Variants in MTHFD1L observed in about 807,000 individuals in gnomAD.
MTHFD1L encodes the protein methylenetetrahydrofolate dehydrogenase (NADP+ dependent) 1 like, also known as monofunctional C1-tetrahydrofolate synthase, mitochondrial.
MTHFD1L carries 81 observed loss-of-function variants against 119.5 expected under a neutral mutation model. The ratio of observed to expected loss-of-function variants is 0.68; its 90% CI spans 0.57 to 0.82. MTHFD1L has a LOEUF of 0.82. MTHFD1L is among the 40% of genes least tolerant of loss of function. MTHFD1L has a pLI of 0.00. For missense variants in MTHFD1L, 1,125 were observed against 1,253.4 expected (o/e 0.90, Z 1.55); for synonymous variants, 430 against 475.2 (o/e 0.90, Z 1.24).
intron 7 of MTHFD1L, among the ~76,000 whole-genome samples, chr6:150,897,694 G>C (rs2128814163): frequency 6.6e-6 from 1 of 152,308 alleles, no homozygotes; most frequent in South Asian, 2.1e-4. Flanking sequence ...GCAGGCCTGT[G>C]TCCCACAAAG....
chr6:151,007,981 A>AT (rs1371335621), intron 20 of MTHFD1L, among the ~76,000 whole-genome samples: 6 of 152,144 alleles, frequency 3.9e-5, no homozygotes, highest in African/African-American at 1.4e-4. Context: ...TTTTGATGTA[A>AT]TTTTTTTAAT....
At chr6:150,899,895 C>T (rs992523675) in intron 7 of MTHFD1L, among the ~76,000 whole-genome samples, 1 of 151,578 alleles carries the variant, frequency 6.6e-6, no homozygotes, top group African/African-American at 2.4e-5. Context: ...TCGTTGAACC[C>T]AGGAGGCAGA....
chr6:150,881,521 T>C (rs1170673479), intron 4 of MTHFD1L, among the ~76,000 whole-genome samples: 1 of 152,184 alleles, frequency 6.6e-6, no homozygotes, highest in Non-Finnish European at 1.5e-5. Context: ...ATTTGTTGCT[T>C]CTACCAAATG....
At chr6:150,869,848 G>A (rs1027881941) in intron 1 of MTHFD1L, among the ~76,000 whole-genome samples, 1 of 152,134 alleles carries the variant, frequency 6.6e-6, no homozygotes, top group African/African-American at 2.4e-5. Flanking sequence ...ATAGTGACCT[G>A]TTGTTCCTGG....
At chr6:150,930,259 A>G (rs1421813687) in intron 11 of MTHFD1L, among the ~76,000 whole-genome samples, 1 of 152,158 alleles carries the variant, frequency 6.6e-6, no homozygotes, top group African/African-American at 2.4e-5. Context: ...AAACAGCAAA[A>G]AGCAGCACTG....
chr6:150,972,784 G>GT (rs959486823), intron 20 of MTHFD1L, among the ~76,000 whole-genome samples: 1 of 152,204 alleles, frequency 6.6e-6, no homozygotes, highest in African/African-American at 2.4e-5. Context: ...GTTTCTCCTT[G>GT]TTTTTTGTGA....
chr6:150,930,785 CAA>C lies in MTHFD1L; in HGVS notation c.1256+4491_1256+4492del, dbSNP rs1363392421. ...TCAGCAATGGGATTAAAATATAAAA[CAA>C]TGAGATTTTTTTAAATCTTCTATTA... is the stretch of plus-strand genomic sequence containing the variant. On this transcript the variant is annotated intron_variant, in intron 11 of 27. Coordinates refer to ENST00000367321, the MANE Select transcript of MTHFD1L (RefSeq NM_015440.5). Among the ~76,000 whole-genome samples the C allele has an allele frequency of 5.9e-5, 9 of 152,086 alleles. No homozygotes were observed. In the East Asian group the frequency reaches 9.6e-4, roughly 16 times the overall value.
At chr6:151,084,372 G>A (rs1793516021) in intron 26 of MTHFD1L, among the ~76,000 whole-genome samples, 1 of 152,296 alleles carries the variant, frequency 6.6e-6, no homozygotes, top group Non-Finnish European at 1.5e-5. Flanking sequence ...TGTCTTCCGG[G>A]CACCGGAGCA....
At chr6:150,924,273 T>G (rs1010207516) in intron 10 of MTHFD1L, among the ~76,000 whole-genome samples, 2 of 152,170 alleles carry the variant, frequency 1.3e-5, no homozygotes, top group Non-Finnish European at 2.9e-5. Context: ...CAGGCTGGAG[T>G]GCAGTGGCTT....
intron 20 of MTHFD1L, among the ~76,000 whole-genome samples, chr6:151,005,400 G>A (rs1260928034): frequency 6.6e-6 from 1 of 152,076 alleles, no homozygotes; most frequent in Non-Finnish European, 1.5e-5. Flanking sequence ...GTGATTACAT[G>A]CAGCATTTCA....
rs1229713771 is a variant in MTHFD1L, at chr6:150,926,977, A to G, written c.1256+682A>G. On this transcript the variant is annotated intron_variant, in intron 11 of 27. Transcript: ENST00000367321. The surrounding 1 kb of genome is among the most constrained non-coding windows in gnomAD (Gnocchi z 4.3). ...ACCTGAGGGAACATCATGAGACCAT[A>G]TAAATTCCTTTGCTGCCTTGAAATT... Among the ~76,000 whole-genome samples the G allele has an allele frequency of 1.3e-5, 2 of 152,220 alleles. No individual in the cohort carries two copies. The highest frequency in any genetic ancestry group is 2.4e-5 in the African/African-American group (1 of 41,472).
At chr6:150,972,189 C>A in intron 20 of MTHFD1L, 131 bp downstream of exon 20, 1 of 766,866 alleles carries the variant, frequency 1.3e-6, no homozygotes, top group Non-Finnish European at 2.1e-6. Context: ...TAGAGGGTCT[C>A]AATAATGGAA....
chr6:150,867,186 G>T lies in MTHFD1L; in HGVS notation c.227+1137G>T, dbSNP rs544879448. Among the ~76,000 whole-genome samples, 102 of 152,094 alleles carry T rather than the reference G, an allele frequency of 6.7e-4. 4 individuals are homozygous for T. In the South Asian group the frequency reaches 0.018, roughly 26 times the overall value. Reference sequence around the variant, plus strand: ...AGGGGCCATTTATTTAGTTTTTCTTGTTCTCTGTCTTCTTTTTCTTTTAGA... The same window carrying T: ...AGGGGCCATTTATTTAGTTTTTCTTTTTCTCTGTCTTCTTTTTCTTTTAGA... On this transcript the variant is annotated intron_variant, in intron 1 of 27. Coordinates refer to ENST00000367321, the MANE Select transcript of MTHFD1L (RefSeq NM_015440.5).
chr6:150,935,247 A>G lies in MTHFD1L; in HGVS notation c.1257-1557A>G. The G allele has an allele frequency of 2.5e-6, 4 of 1,611,934 alleles. No individual in the cohort carries two copies. The African/African-American group carries it at 4.0e-5, about 16-fold the overall frequency. On this transcript the variant is annotated intron_variant, in intron 11 of 27. Transcript: ENST00000367321. ...TGGAAGTCATATACCAGATGCACAG[A>G]TGGCATTGTATTTGTTGTGGACTCT...
At chr6:150,945,341 T>G (rs1189794903) in intron 14 of MTHFD1L, 126 bp from the exon 15 acceptor site, 11 of 684,280 alleles carry the variant, frequency 1.6e-5, no homozygotes, top group Non-Finnish European at 2.5e-5. Flanking sequence ...CCCACAAATT[T>G]TAATAGGGTC....
In MTHFD1L at chr6:151,046,489, A is replaced by G. The variant is rs538762726; in HGVS notation, c.2847+9372A>G. 1.9e-3 allele frequency among the ~76,000 whole-genome samples: 236 copies of G among 125,804 alleles called. 9 individuals carry two copies. Among genetic ancestry groups the G allele is most frequent in the East Asian group, 0.015 (65 of 4,482 alleles). 82.5% of individuals were successfully genotyped at this position (125,804 alleles called of 152,430 possible). On this transcript the variant is annotated intron_variant, in intron 26 of 27. Coordinates refer to ENST00000367321, the MANE Select transcript of MTHFD1L (RefSeq NM_015440.5). ...TGTGTGTGTATATATATATATATAT[A>G]TATATATATATATATATATATATAT... is the stretch of plus-strand genomic sequence containing the variant.
chr6:150,896,296 G>C (rs1432079175), intron 7 of MTHFD1L, among the ~76,000 whole-genome samples: 1 of 152,172 alleles, frequency 6.6e-6, no homozygotes, highest in Non-Finnish European at 1.5e-5. Context: ...AGCCATACTT[G>C]TTAATGAGCT....
Position 150,926,121 on chromosome 6 carries a change from G to A in MTHFD1L, c.1083-1G>A. The stretch of plus-strand genomic sequence containing the variant: ...CTCTTTCGTATTGTCTTTCCCCTCA[G>A]TGACATTGAGATTTCAAGAGGACAA... On this transcript the variant is annotated splice_acceptor_variant, in intron 10 of 27. Coordinates refer to ENST00000367321, the MANE Select transcript of MTHFD1L (RefSeq NM_015440.5). LOFTEE classifies it high-confidence loss of function. The surrounding 1 kb of genome is among the most constrained non-coding windows in gnomAD (Gnocchi z 4.3). 2 of 1,612,490 alleles carry A rather than the reference G, an allele frequency of 1.2e-6. No homozygotes were observed. Among genetic ancestry groups the A allele is most frequent in the Non-Finnish European group, 1.7e-6 (2 of 1,178,770 alleles).
intron 5 of MTHFD1L, 58 bp from the exon 6 acceptor site, chr6:150,885,576 G>A (rs1001147618): frequency 1.7e-5 from 21 of 1,269,362 alleles, no homozygotes; most frequent in South Asian, 1.1e-4. Context: ...TACATTACAC[G>A]TGAGTGATTT....
Sources: allele counts gnomAD v4.1 joint callset (sites outside exome capture counted in the v4.1 genomes callset), GRCh38; gene constraint gnomAD v4.1.1; non-coding constraint Gnocchi (gnomAD v3.1); transcripts MANE v1.5; gene names NCBI Gene and HGNC (gene_info 2026-07-23, HGNC 2026-07-21).